Variants in FH observed in about 807,000 individuals in gnomAD.
FH encodes fumarate hydratase.
FH carries 22 observed loss-of-function variants against 49.4 expected under a neutral mutation model. That is an observed-to-expected ratio of 0.45 (90% CI 0.32 to 0.64). The LOEUF is 0.64. Ranked by LOEUF, FH falls within the 30% of genes least tolerant of loss-of-function variation. The pLI is 0.05. For missense variants in FH, 526 were observed against 641.5 expected, an observed-to-expected ratio of 0.82 and a Z score of 1.95; for synonymous variants, 208 against 223.0, an observed-to-expected ratio of 0.93 and a Z score of 0.60.
At chr1:241,513,337 T>A (rs978689583) in intron 3 of FH, among the ~76,000 whole-genome samples, 1 of 152,116 alleles carries the variant, frequency 6.6e-6, no homozygotes, top group Admixed American at 6.5e-5. Context: ...ATGATATCTT[T>A]TCAAAAAATT....
intron 8 of FH, among the ~76,000 whole-genome samples, chr1:241,502,081 G>A (rs184051464): frequency 1.1e-4 from 16 of 151,966 alleles, no homozygotes; most frequent in East Asian, 5.8e-4. Flanking sequence ...TAATTCAAGC[G>A]TGGAGGGGGC....
intron 8 of FH, among the ~76,000 whole-genome samples, chr1:241,500,925 G>A (rs560526447): frequency 5.9e-5 from 9 of 152,270 alleles, no homozygotes; most frequent in East Asian, 3.9e-4. Context: ...TCCAGTTGTC[G>A]GAACTGGTGA....
intron 4 of FH, among the ~76,000 whole-genome samples, chr1:241,511,630 A>T (rs909068796): frequency 1.3e-5 from 2 of 152,146 alleles, no homozygotes; most frequent in Non-Finnish European, 2.9e-5. Context: ...TAAATGTACC[A>T]TGGTTACATA....
At position 241,505,954 on chromosome 1, in the gene FH, C is replaced by G. The variant is rs111751087; in HGVS notation, c.904+49G>C. ...AGGAACACTCAGAAAATGTACAGAC[C>G]ACGTATAATGAGAAATGAAAATGAG... On this transcript the variant is annotated intron_variant, in intron 6 of 9. Transcript: ENST00000366560. The G allele has an allele frequency of 4.3e-5, 66 of 1,543,010 alleles. 1 individual carries two copies. The African/African-American group carries it at 7.3e-4, about 17-fold the overall frequency.
At chr1:241,499,202 G>C (rs2147912277) in intron 9 of FH, among the ~76,000 whole-genome samples, 1 of 152,276 alleles carries the variant, frequency 6.6e-6, no homozygotes, top group East Asian at 1.9e-4. Context: ...ATGATTCAGA[G>C]GGTTGTAAGG....
chr1:241,500,208 G>A lies in FH; in HGVS notation c.1390+229C>T, dbSNP rs541571750. ...AAATAAGTTTGAACTACTACTTCTCGATACATTTCAAATAAAATGAGGCAT... is the reference window on the plus strand; with the variant it reads ...AAATAAGTTTGAACTACTACTTCTCAATACATTTCAAATAAAATGAGGCAT... On this transcript the variant is annotated intron_variant, in intron 9 of 9. Coordinates refer to ENST00000366560, the MANE Select transcript of FH (RefSeq NM_000143.4). Among the ~76,000 whole-genome samples, 61 of 151,982 alleles carry A rather than the reference G, an allele frequency of 4.0e-4. 1 individual carries two copies. Among genetic ancestry groups the A allele is most frequent in the Middle Eastern group, 6.8e-3 (2 of 292 alleles).
chr1:241,498,723 A>ATATATATATATATATATATATG lies in FH; in HGVS notation c.1391-754_1391-753insCATATATATATATATATATATA, dbSNP rs1558395764. On this transcript the variant is annotated intron_variant, in intron 9 of 9. Transcript: ENST00000366560. ...TATATATATATATATATATATATAT[A>ATATATATATATATATATATATG]TATATATATATATATATATGTCAAG... Among the ~76,000 whole-genome samples, 12 of 99,368 alleles carry ATATATATATATATATATATATG rather than the reference A, an allele frequency of 1.2e-4. 1 individual carries two copies. The highest frequency in any genetic ancestry group is 4.6e-4 in the African/African-American group (12 of 26,112). The allele number at this position is 99,368 out of a possible 152,430, so 65.2% of individuals were successfully genotyped here.
At chr1:241,516,176 C>G (rs1030949090) in intron 2 of FH, among the ~76,000 whole-genome samples, 2 of 152,070 alleles carry the variant, frequency 1.3e-5, no homozygotes, top group African/African-American at 4.8e-5. Context: ...TGTAAATACC[C>G]AGCAAGAGTG....
intron 1 of FH, 92 bp downstream of exon 1, chr1:241,519,499 A>C: frequency 2.8e-6 from 4 of 1,432,862 alleles, no homozygotes; most frequent in Non-Finnish European, 3.7e-6. Context: ...CGCCCGGGGA[A>C]TCTCTCCCGC....
At chr1:241,514,706 T>C (rs573116530) in intron 2 of FH, among the ~76,000 whole-genome samples, 10 of 152,176 alleles carry the variant, frequency 6.6e-5, no homozygotes, top group African/African-American at 2.4e-4. Context: ...AAGTATAAGC[T>C]GAGGGTCAAA....
At chr1:241,500,121 T>G (rs1413665442) in intron 9 of FH, among the ~76,000 whole-genome samples, 1 of 152,176 alleles carries the variant, frequency 6.6e-6, no homozygotes. Context: ...CTGAAGGTCT[T>G]ACAAATAACC....
chr1:241,503,018 G>C (rs1334632108), intron 7 of FH, among the ~76,000 whole-genome samples: 2 of 152,166 alleles, frequency 1.3e-5, no homozygotes, highest in African/African-American at 4.8e-5. Flanking sequence ...CCTAGGGGAA[G>C]GTGATGCTAA....
At position 241,497,617 on chromosome 1, in the gene FH, C is replaced by G. The variant is rs1385240800; in HGVS notation, c.*211G>C. The G allele has an allele frequency of 4.5e-5, 21 of 467,938 alleles. No individual in the cohort carries two copies. The highest frequency in any genetic ancestry group is 2.6e-5 in the Non-Finnish European group (7 of 265,728). The allele number at this position is 467,938 out of a possible 1,614,324, so 29.0% of individuals were successfully genotyped here. A position where few individuals can be genotyped will look rare whatever the true frequency, so the allele number is the denominator to read the frequency against. On this transcript the variant is annotated 3_prime_UTR_variant, in exon 10 of 10. Transcript: ENST00000366560. The stretch of plus-strand genomic sequence containing the variant: ...ATAGGAGAAAATTTAAGTCTGTTTT[C>G]CTTTTTATTTTATAAATGTATTTTA...
At chr1:241,508,542 A>G in intron 5 of FH, 61 bp downstream of exon 5, 1 of 1,439,778 alleles carries the variant, frequency 6.9e-7, no homozygotes, top group East Asian at 2.3e-5. Context: ...GATTTCAAGG[A>G]TGACACATTG....
intron 4 of FH, 94 bp downstream of exon 4, chr1:241,511,873 C>A: frequency 8.0e-7 from 1 of 1,246,290 alleles, no homozygotes; most frequent in Non-Finnish European, 1.2e-6. Flanking sequence ...ATAATGAACA[C>A]TTCTTGTCAA....
chr1:241,497,991 C>T (rs200644606), intron 9 of FH, 21 bp from the exon 10 acceptor site: 44 of 1,613,436 alleles, frequency 2.7e-5, no homozygotes, highest in East Asian at 1.6e-4. Flanking sequence ...AATAAAAAGA[C>T]GACATATGGG....
Position 241,517,333 on chromosome 1 carries a change from A to G in FH, c.133-17T>C. ...TTGGCTTGCCTAAAGACAAGAATAC[A>G]ACACTATTACAAGTTGAAAAGAAAC... On this transcript the variant is annotated splice_polypyrimidine_tract_variant and intron_variant, in intron 1 of 9. Transcript: ENST00000366560. The G allele has an allele frequency of 6.2e-7, 1 of 1,613,802 alleles. No homozygotes were observed. Among genetic ancestry groups the G allele is most frequent in the Non-Finnish European group, 8.5e-7 (1 of 1,179,924 alleles).
chr1:241,509,622 T>A (rs1359609390), intron 4 of FH, among the ~76,000 whole-genome samples: 1 of 152,112 alleles, frequency 6.6e-6, no homozygotes, highest in Non-Finnish European at 1.5e-5. Context: ...AAAACATTTT[T>A]AAAGTTAGCC....
Position 241,513,746 on chromosome 1 carries a change from C to T in FH, c.268-33G>A, listed in dbSNP as rs937593415. The T allele has an allele frequency of 1.9e-6, 3 of 1,552,778 alleles. No homozygotes were observed. The African/African-American group carries it at 4.1e-5, about 21-fold the overall frequency. ...TAATCAGAAAAATATTTCAAATTTA[C>T]AATTTTACTTAAGCATGGAAGTTTA... On this transcript the variant is annotated intron_variant, in intron 2 of 9. Transcript: ENST00000366560.
Sources: allele counts gnomAD v4.1 joint callset (sites outside exome capture counted in the v4.1 genomes callset), GRCh38; gene constraint gnomAD v4.1.1; transcripts MANE v1.5; gene names NCBI Gene and HGNC (gene_info 2026-07-23, HGNC 2026-07-21).